The following MACROD2 variants were observed in gnomAD, a reference collection of about 807,000 sequenced individuals.
MACROD2 encodes the protein mono-ADP ribosylhydrolase 2.
MACROD2 carries 36 observed loss-of-function variants against 70.4 expected under a neutral mutation model. That is an observed-to-expected ratio of 0.51 (90% CI 0.39 to 0.68). The LOEUF is 0.68. Among genes scored for constraint, MACROD2 ranks in the 30% least tolerant of loss-of-function variants. The probability of loss-of-function intolerance (pLI) is 0.00; values close to 1 mark genes in which losing one functional copy is unlikely to be tolerated. For synonymous variants in MACROD2, 172 were observed against 178.8 expected, an observed-to-expected ratio of 0.96 and a Z score of 0.30; for missense variants, 496 against 538.4, an observed-to-expected ratio of 0.92 and a Z score of 0.78.
chr20:14,872,326 C>A (rs2073497817), intron 5 of MACROD2, among the ~76,000 whole-genome samples: 1 of 152,208 alleles, frequency 6.6e-6, no homozygotes, highest in African/African-American at 2.4e-5. Context: ...GCACTTGTCA[C>A]TTTTTCCCAC....
intron 3 of MACROD2, among the ~76,000 whole-genome samples, chr20:14,285,458 G>T (rs890928089): frequency 1.3e-5 from 2 of 152,028 alleles, no homozygotes; most frequent in Admixed American, 6.6e-5. Flanking sequence ...TTGGATTAGG[G>T]CTGCTTAACC....
intron 5 of MACROD2, among the ~76,000 whole-genome samples, chr20:14,907,648 G>A (rs1241070630): frequency 3.3e-5 from 5 of 152,100 alleles, no homozygotes; most frequent in African/African-American, 4.8e-5. Flanking sequence ...AATAGAAAGC[G>A]CAAAGACAAA....
chr20:15,464,115 C>G (rs2046854543), intron 7 of MACROD2, among the ~76,000 whole-genome samples: 1 of 152,164 alleles, frequency 6.6e-6, no homozygotes, highest in Non-Finnish European at 1.5e-5. Context: ...GTGGCACAAT[C>G]ACGACTCACT....
At chr20:14,301,246 T>C (rs1601451223) in intron 3 of MACROD2, among the ~76,000 whole-genome samples, 1 of 152,104 alleles carries the variant, frequency 6.6e-6, no homozygotes, top group African/African-American at 2.4e-5. Flanking sequence ...GAAGAAAGAT[T>C]TGCATGTGAA....
chr20:15,819,957 T>C (rs987179502), intron 8 of MACROD2, among the ~76,000 whole-genome samples: 3 of 152,232 alleles, frequency 2.0e-5, no homozygotes, highest in African/African-American at 2.4e-5. Context: ...ATGATAGATA[T>C]GTTAAATGGC....
intron 12 of MACROD2, among the ~76,000 whole-genome samples, chr20:15,955,801 A>C (rs958824624): frequency 6.6e-6 from 1 of 152,188 alleles, no homozygotes; most frequent in African/African-American, 2.4e-5. Flanking sequence ...AAATGTAGTC[A>C]ACATAAAAAT....
intron 8 of MACROD2, among the ~76,000 whole-genome samples, chr20:15,521,737 G>C (rs911985790): frequency 3.4e-4 from 52 of 152,226 alleles, no homozygotes; most frequent in African/African-American, 9.4e-4. Context: ...ATTTATAATT[G>C]GGATATGCTA....
At chr20:15,401,521 G>C (rs1331656257) in intron 6 of MACROD2, among the ~76,000 whole-genome samples, 1 of 152,118 alleles carries the variant, frequency 6.6e-6, no homozygotes, top group African/African-American at 2.4e-5. Context: ...AAAAGCCTGG[G>C]TGCAATTACA....
chr20:15,988,480 C>T (rs889016512), intron 15 of MACROD2, among the ~76,000 whole-genome samples: 2 of 152,064 alleles, frequency 1.3e-5, no homozygotes, highest in East Asian at 1.9e-4. Flanking sequence ...AACAGCTGTA[C>T]GTTTTCCTCT....
At chr20:15,795,485 T>C (rs547135647) in intron 8 of MACROD2, among the ~76,000 whole-genome samples, 2 of 151,990 alleles carry the variant, frequency 1.3e-5, no homozygotes, top group Admixed American at 6.6e-5. Flanking sequence ...CATGGTGTAG[T>C]TGGAAATAAC....
intron 3 of MACROD2, among the ~76,000 whole-genome samples, chr20:14,358,832 A>C (rs1230804732): frequency 1.3e-5 from 2 of 152,224 alleles, no homozygotes; most frequent in African/African-American, 2.4e-5. Flanking sequence ...TCAGGTTTCA[A>C]ACCCTGGCTG....
chr20:15,032,342 C>T (rs182609977), intron 5 of MACROD2, among the ~76,000 whole-genome samples: 6 of 152,348 alleles, frequency 3.9e-5, no homozygotes, highest in South Asian at 2.1e-4. Context: ...CGGCTCCGCA[C>T]GCTGCCCTGG....
chr20:14,834,029 G>C (rs1274965110), intron 5 of MACROD2, among the ~76,000 whole-genome samples: 3 of 151,846 alleles, frequency 2.0e-5, no homozygotes, highest in African/African-American at 7.3e-5. Context: ...TATCCCTAAA[G>C]ATACCCATCA....
intron 8 of MACROD2, among the ~76,000 whole-genome samples, chr20:15,813,264 T>C (rs2063838852): frequency 6.6e-6 from 1 of 152,198 alleles, no homozygotes; most frequent in Admixed American, 6.5e-5. Context: ...TGAAATTCTG[T>C]TGCTTACACG....
chr20:14,180,966 C>T (rs912704458), intron 3 of MACROD2, among the ~76,000 whole-genome samples: 5 of 151,884 alleles, frequency 3.3e-5, no homozygotes, highest in Admixed American at 6.6e-5. Flanking sequence ...AACATGTATT[C>T]ACTATCTGAA....
intron 3 of MACROD2, among the ~76,000 whole-genome samples, chr20:14,171,040 A>G (rs1343308444): frequency 1.3e-5 from 2 of 152,106 alleles, no homozygotes. Flanking sequence ...TGGTCTGTTC[A>G]GAGTTTCTAT....
chr20:14,121,016 A>AT lies in MACROD2; in HGVS notation c.271+35297dup, dbSNP rs1020870968. ...AACCTGCACGTTCTGTACAGGTACC[A>AT]TTTTTTTTTAGAAGGAAAAAACAGT... On this transcript the variant is annotated intron_variant, in intron 3 of 17. Coordinates refer to ENST00000684519, the MANE Select transcript of MACROD2 (RefSeq NM_001351661.2). Among the ~76,000 whole-genome samples the AT allele has an allele frequency of 2.1e-3, 315 of 150,664 alleles. 1 individual carries two copies. The highest frequency in any genetic ancestry group is 7.0e-3 in the African/African-American group (286 of 41,082).
chr20:15,111,091 G>C, intron 5 of MACROD2, among the ~76,000 whole-genome samples: 1 of 151,876 alleles, frequency 6.6e-6, no homozygotes, highest in East Asian at 1.9e-4. Context: ...CAATGTATCT[G>C]ACTCACACAT....
At chr20:15,732,627 A>G (rs1229563974) in intron 8 of MACROD2, among the ~76,000 whole-genome samples, 2 of 148,750 alleles carry the variant, frequency 1.3e-5, no homozygotes, top group Admixed American at 6.8e-5. Context: ...TGAATGTTGA[A>G]TCATTTGTGA....
Sources: allele counts gnomAD v4.1 joint callset (sites outside exome capture counted in the v4.1 genomes callset), GRCh38; gene constraint gnomAD v4.1.1; transcripts MANE v1.5; gene names NCBI Gene and HGNC (gene_info 2026-07-23, HGNC 2026-07-21).